The following CDCA7L variants were observed in gnomAD, a reference collection of about 807,000 sequenced individuals.
CDCA7L encodes the protein cell division cycle-associated 7-like protein.
In CDCA7L, 44 loss-of-function variants were observed where a neutral mutation model predicts 57.4. The observed-to-expected ratio is 0.77, with a 90% confidence interval of 0.60 to 0.98. The LOEUF (loss-of-function observed/expected upper bound fraction) is 0.98. CDCA7L is among the 50% of genes least tolerant of loss of function. CDCA7L has a pLI of 0.00. For synonymous variants in CDCA7L, 236 were observed against 202.8 expected, an observed-to-expected ratio of 1.16 and a Z score of -1.39; for missense variants, 644 against 580.6, an observed-to-expected ratio of 1.11 and a Z score of -1.12.
chr7:21,901,630 G>GGAAA lies in CDCA7L; in HGVS notation c.*688_*691dup, dbSNP rs1462931874. The GGAAA allele has an allele frequency of 1.3e-5, 2 of 158,932 alleles. No homozygotes were observed. The highest frequency in any genetic ancestry group is 1.3e-4 in the Admixed American group (2 of 15,648). 9.8% of individuals were successfully genotyped at this position (158,932 alleles called of 1,614,324 possible). Reference sequence around the variant, plus strand: ...GTGAACATGCAAAAGCAATGCAGCCGGAAAGAACGGAGATTTTAATTTTTA... The same window carrying GGAAA: ...GTGAACATGCAAAAGCAATGCAGCCGGAAAGAAAGAACGGAGATTTTAATTTTTA... On this transcript the variant is annotated 3_prime_UTR_variant, in exon 10 of 10. Transcript: ENST00000406877.
chr7:21,923,326 CAA>C (rs1354576969), intron 1 of CDCA7L, among the ~76,000 whole-genome samples: 1 of 151,804 alleles, frequency 6.6e-6, no homozygotes, highest in Non-Finnish European at 1.5e-5. Context: ...CCGTCTCTAC[CAA>C]AAAAGATACA....
At chr7:21,903,195 C>G (rs1371731713) in intron 8 of CDCA7L, 81 bp from the exon 9 acceptor site, 2 of 1,376,184 alleles carry the variant, frequency 1.5e-6, no homozygotes. Context: ...CAGAATGGCT[C>G]AGCTGGCCTC....
intron 1 of CDCA7L, among the ~76,000 whole-genome samples, chr7:21,929,631 CAAAAAAAAAAAA>C (rs57283961): frequency 8.4e-5 from 3 of 35,510 alleles, no homozygotes; most frequent in Admixed American, 4.1e-4. Context: ...AAATGGAAAG[CAAAAAAAAAAAA>C]AAAAAAAAAA....
chr7:21,929,084 C>T (rs996120454), intron 1 of CDCA7L, among the ~76,000 whole-genome samples: 5 of 152,112 alleles, frequency 3.3e-5, no homozygotes, highest in Admixed American at 6.6e-5. Context: ...CAAAGGGAAG[C>T]CCATCAGACT....
rs1300977849 is a variant in CDCA7L at position 21,902,093 on chromosome 7, TCAGCATA to T, written c.*222_*228del. 5 of 528,364 alleles carry T rather than the reference TCAGCATA, an allele frequency of 9.5e-6. No homozygotes were observed. The highest frequency in any genetic ancestry group is 1.9e-5 in the African/African-American group (1 of 52,870). The allele number at this position is 528,364 out of a possible 1,614,324, so 32.7% of individuals were successfully genotyped here. A position where few individuals can be genotyped will look rare whatever the true frequency, so the allele number is the denominator to read the frequency against. Reference sequence around the variant, plus strand: ...AACTGGCAGATATTTTTAACAAAGTTCAGCATACAGACAGGTCTGTGCATACATCTAT... The same window carrying T: ...AACTGGCAGATATTTTTAACAAAGTTCAGACAGGTCTGTGCATACATCTAT... On this transcript the variant is annotated 3_prime_UTR_variant, in exon 10 of 10. Transcript: ENST00000406877.
At chr7:21,911,104 A>G (rs1785311071) in intron 3 of CDCA7L, among the ~76,000 whole-genome samples, 1 of 130,720 alleles carries the variant, frequency 7.6e-6, no homozygotes, top group Non-Finnish European at 1.5e-5. Context: ...ATCTCAGCTC[A>G]CTGCAACCTC....
Position 21,905,686 on chromosome 7 carries a change from T to C in CDCA7L, c.922-55A>G, listed in dbSNP as rs112907648. Reference sequence around the variant, plus strand: ...GATGTGTTGAGCAGTTATAAAAAAATTATAAATATTTTAAACTCTCAAAGA... The same window carrying C: ...GATGTGTTGAGCAGTTATAAAAAAACTATAAATATTTTAAACTCTCAAAGA... On this transcript the variant is annotated intron_variant, in intron 6 of 9. Transcript: ENST00000406877. 3.2e-6 allele frequency: 5 copies of C among 1,555,020 alleles called. No homozygotes were observed. In the African/African-American group the frequency reaches 5.5e-5, roughly 17 times the overall value.
chr7:21,904,189 C>T lies in CDCA7L; in HGVS notation c.1118G>A (p.Cys373Tyr). ...TKTVCRNQGC[C>Y]GVRGQFCGPC... ...TCCACAGAACTGTCCTCGCACACCACAGCAACCCTGGTTCCGACACACTGT... is the reference window on the plus strand; with the variant it reads ...TCCACAGAACTGTCCTCGCACACCATAGCAACCCTGGTTCCGACACACTGT... Residue 373 changes from cysteine (C) to tyrosine (Y), a missense_variant, in exon 8 of 10, where the codon TGT becomes TAT. Coordinates refer to ENST00000406877, the MANE Select transcript of CDCA7L (RefSeq NM_018719.5). The T allele has an allele frequency of 1.2e-6, 2 of 1,613,920 alleles. No individual in the cohort carries two copies. The highest frequency in any genetic ancestry group is 1.7e-6 in the Non-Finnish European group (2 of 1,179,914).
At chr7:21,925,876 CAATT>C (rs1441818755) in intron 1 of CDCA7L, among the ~76,000 whole-genome samples, 2 of 151,876 alleles carry the variant, frequency 1.3e-5, no homozygotes, top group African/African-American at 4.8e-5. Context: ...CTATCTCAAA[CAATT>C]AAAGAAGAAA....
chr7:21,945,655 G>A, intron 1 of CDCA7L, 126 bp downstream of exon 1: 1 of 1,223,292 alleles, frequency 8.2e-7, no homozygotes, highest in Non-Finnish European at 1.2e-6. Context: ...CAACCGGCTG[G>A]GCGCGCCAGA....
chr7:21,939,072 A>G (rs1000936164), intron 1 of CDCA7L, among the ~76,000 whole-genome samples: 3 of 152,162 alleles, frequency 2.0e-5, no homozygotes, highest in African/African-American at 7.2e-5. Context: ...TTTAATAACA[A>G]TGTTAAGTGA....
At position 21,901,523 on chromosome 7, in the gene CDCA7L, TGCACCACTGCACTCCCTCCTGG is replaced by T. The variant is rs1241666340; in HGVS notation, c.*777_*798del. On this transcript the variant is annotated 3_prime_UTR_variant, in exon 10 of 10. Coordinates refer to ENST00000406877, the MANE Select transcript of CDCA7L (RefSeq NM_018719.5). The stretch of plus-strand genomic sequence containing the variant: ...GGCAAAGGTTGCAGTGAGCCGAGGT[TGCACCACTGCACTCCCTCCTGG>T]GCAACAGAACAAGACTCCATCTCAA... 3.6e-6 allele frequency: 1 copy of T among 275,974 alleles called. No homozygotes were observed. Among genetic ancestry groups the T allele is most frequent in the Non-Finnish European group, 6.6e-6 (1 of 151,880 alleles). The allele number at this position is 275,974 out of a possible 1,614,324, so 17.1% of individuals were successfully genotyped here.
At chr7:21,922,071 C>T (rs375587971) in intron 1 of CDCA7L, among the ~76,000 whole-genome samples, 1 of 152,070 alleles carries the variant, frequency 6.6e-6, no homozygotes, top group African/African-American at 2.4e-5. Flanking sequence ...GACTTTGTAG[C>T]CATTTTCTTA....
chr7:21,908,590 A>G (rs1785215685), intron 3 of CDCA7L, 83 bp from the exon 4 acceptor site: 1 of 1,345,676 alleles, frequency 7.4e-7, no homozygotes. Flanking sequence ...AACTGACAGC[A>G]TTATGAGAAA....
intron 1 of CDCA7L, among the ~76,000 whole-genome samples, chr7:21,941,034 G>A (rs1015195239): frequency 6.6e-5 from 10 of 152,098 alleles, no homozygotes; most frequent in African/African-American, 2.4e-4. Context: ...CGCAACAAAA[G>A]GGGAAATGCC....
At position 21,902,147 on chromosome 7, in the gene CDCA7L, T is replaced by G. The variant is rs542935796; in HGVS notation, c.*175A>C. The G allele has an allele frequency of 1.3e-4, 89 of 664,738 alleles. No individual in the cohort carries two copies. Among genetic ancestry groups the G allele is most frequent in the Non-Finnish European group, 2.1e-4 (79 of 373,940 alleles). 41.2% of individuals were successfully genotyped at this position (664,738 alleles called of 1,614,324 possible). ...CTATATAGATTCCTCTGCTCTGCTG[T>G]CTTCCTGAGAAATCTTTGTAAGCAT... On this transcript the variant is annotated 3_prime_UTR_variant, in exon 10 of 10. Transcript: ENST00000406877.
chr7:21,943,263 G>A (rs1786402625), intron 1 of CDCA7L, among the ~76,000 whole-genome samples: 1 of 152,252 alleles, frequency 6.6e-6, no homozygotes, highest in Non-Finnish European at 1.5e-5. Flanking sequence ...CAACACACTG[G>A]TGGGATGGCA....
chr7:21,906,581 G>A lies in CDCA7L; in HGVS notation c.740C>T (p.Pro247Leu). Residue 247 changes from proline (P) to leucine (L), a missense_variant, in exon 5 of 10, where the codon CCA (proline) becomes CTA (leucine). By Grantham distance (98) the Pro-to-Leu change is moderately conservative (BLOSUM62 -3). Transcript: ENST00000406877. ...AGTTCTACTTACAGAAGCTGAGGTT[G>A]GGGTTCGTACTGGGAAGAAATCTGG... ...SMPDFFPVRT[P>L]TSASRKKTVR... is the part of the protein sequence containing the mutation. The A allele has an allele frequency of 9.3e-6, 15 of 1,614,118 alleles. No homozygotes were observed. Among genetic ancestry groups the A allele is most frequent in the Non-Finnish European group, 1.2e-5 (14 of 1,180,018 alleles).
intron 8 of CDCA7L, 116 bp from the exon 9 acceptor site, chr7:21,903,230 A>ATCTT: frequency 1.0e-6 from 1 of 971,352 alleles, no homozygotes; most frequent in African/African-American, 1.6e-5. Context: ...ATCACATGGC[A>ATCTT]TCTTTCAGTC....
Sources: allele counts gnomAD v4.1 joint callset (sites outside exome capture counted in the v4.1 genomes callset), GRCh38; gene constraint gnomAD v4.1.1; transcripts MANE v1.5; gene names NCBI Gene and HGNC (gene_info 2026-07-23, HGNC 2026-07-21).